Variants in UNC5A observed in about 807,000 individuals in gnomAD.
The protein encoded by UNC5A is netrin receptor UNC5A.
Under a neutral mutation model 87.4 loss-of-function variants are expected in UNC5A, and 20 were observed. The ratio of observed to expected loss-of-function variants is 0.23; its 90% CI spans 0.16 to 0.33. UNC5A has a LOEUF of 0.33. Ranked by LOEUF, UNC5A falls within the 10% of genes least tolerant of loss-of-function variation. The pLI is 1.00. For missense variants in UNC5A, 844 were observed against 1,133.4 expected (o/e 0.74, Z 3.67); for synonymous variants, 438 against 482.3 (o/e 0.91, Z 1.20).
intron 13 of UNC5A, 39 bp from the exon 14 acceptor site, chr5:176,879,271 G>T: frequency 6.5e-7 from 1 of 1,534,558 alleles, no homozygotes. Context: ...CGGGCCTGGG[G>T]AAAGTTCTAA....
intron 1 of UNC5A, among the ~76,000 whole-genome samples, chr5:176,819,335 CAAATA>C (rs1756671657): frequency 1.3e-5 from 2 of 152,124 alleles, no homozygotes; most frequent in Non-Finnish European, 2.9e-5. Context: ...GTATCTGTTG[CAAATA>C]TTAGAACCCA....
At chr5:176,828,520 C>T (rs765273912) in intron 1 of UNC5A, among the ~76,000 whole-genome samples, 1 of 152,248 alleles carries the variant, frequency 6.6e-6, no homozygotes, top group South Asian at 2.1e-4. Flanking sequence ...CTCAGCCCCC[C>T]CATCTTCCCC....
Position 176,879,886 on chromosome 5 carries a change from AGGC to A in UNC5A, c.*1_*3del. The A allele has an allele frequency of 6.4e-7, 1 of 1,574,332 alleles. No homozygotes were observed. The highest frequency in any genetic ancestry group is 1.2e-5 in the South Asian group (1 of 86,066). On this transcript the variant is annotated 3_prime_UTR_variant, in exon 15 of 15. Coordinates refer to ENST00000329542, the MANE Select transcript of UNC5A (RefSeq NM_133369.3). ...TCACAGTGTCGGAGGCTGAGTGCTG[AGGC>A]CGGCCAGGCCCGACACCTACACTCT... is the stretch of plus-strand genomic sequence containing the variant.
At position 176,874,326 on chromosome 5, in the gene UNC5A, A is replaced by G; in HGVS notation, c.1138A>G (p.Ser380Gly). Reference protein sequence around the residue: ...LSTTTTTYQGSLCPRQDGPSP... With the variant: ...LSTTTTTYQGGLCPRQDGPSP... The stretch of plus-strand genomic sequence containing the variant: ...CACCACCACCACCACCTACCAGGGC[A>G]GTCTCTGTCCCCGGCAGGATGGGCC... The change falls in exon 8 of 15, where the codon AGT (serine) becomes GGT (glycine). Residue 380 changes from serine (S) to glycine (G), a missense_variant. This residue lies in a region of UNC5A where 353 missense variants were observed against 387.5 expected (regional missense o/e 0.91). Transcript: ENST00000329542. This position sits in a 1 kb window ranked among gnomAD's most constrained non-coding sequence, Gnocchi z 7.6. 6.2e-7 allele frequency: 1 copy of G among 1,612,554 alleles called. No homozygotes were observed. Among genetic ancestry groups the G allele is most frequent in the South Asian group, 1.1e-5 (1 of 90,836 alleles).
In UNC5A at chr5:176,879,891, G is replaced by C. The variant is rs377412921; in HGVS notation, c.*5G>C. 8 of 1,609,024 alleles carry C rather than the reference G, an allele frequency of 5.0e-6. No individual in the cohort carries two copies. The highest frequency in any genetic ancestry group is 6.8e-6 in the Non-Finnish European group (8 of 1,178,772). ...GTGTCGGAGGCTGAGTGCTGAGGCC[G>C]GCCAGGCCCGACACCTACACTCTCA... On this transcript the variant is annotated 3_prime_UTR_variant, in exon 15 of 15. Coordinates refer to ENST00000329542, the MANE Select transcript of UNC5A (RefSeq NM_133369.3).
chr5:176,821,458 C>CT (rs1756726570), intron 1 of UNC5A, among the ~76,000 whole-genome samples: 1 of 152,196 alleles, frequency 6.6e-6, no homozygotes, highest in African/African-American at 2.4e-5. Context: ...CCACTGGAGG[C>CT]CCGTCTTTGG....
intron 1 of UNC5A, among the ~76,000 whole-genome samples, chr5:176,833,177 G>A (rs917742342): frequency 9.2e-5 from 14 of 152,200 alleles, no homozygotes; most frequent in Non-Finnish European, 1.8e-4. Context: ...TAGGTTCAAG[G>A]TGGTGCGTGT....
intron 1 of UNC5A, among the ~76,000 whole-genome samples, chr5:176,829,677 G>T (rs1756953011): frequency 6.6e-6 from 1 of 152,050 alleles, no homozygotes; most frequent in South Asian, 2.1e-4. Context: ...TCAATGGGAG[G>T]GAAGGTGGAT....
intron 1 of UNC5A, among the ~76,000 whole-genome samples, chr5:176,836,289 G>A (rs1757147254): frequency 6.6e-6 from 1 of 152,198 alleles, no homozygotes; most frequent in East Asian, 1.9e-4. Context: ...GGTGAGTGAG[G>A]GATGCCAGTA....
chr5:176,822,065 T>G (rs1415924630), intron 1 of UNC5A, among the ~76,000 whole-genome samples: 5 of 152,244 alleles, frequency 3.3e-5, no homozygotes, highest in Non-Finnish European at 7.3e-5. Flanking sequence ...GGCAGGTTAT[T>G]TAAGCTCTCT....
rs1451475670 is a variant in UNC5A, at chr5:176,860,472, C to T, written c.71-2152C>T. 2.6e-5 allele frequency among the ~76,000 whole-genome samples: 4 copies of T among 152,326 alleles called. No individual in the cohort carries two copies. The East Asian group carries it at 5.8e-4, about 22-fold the overall frequency. On this transcript the variant is annotated intron_variant, in intron 1 of 14. Coordinates refer to ENST00000329542, the MANE Select transcript of UNC5A (RefSeq NM_133369.3). Reference sequence around the variant, plus strand: ...TGTGGGAGCCCAACTCAGCACTGCTCTCCCTGAGCCCACCCCTGGGTCCCA... The same window carrying T: ...TGTGGGAGCCCAACTCAGCACTGCTTTCCCTGAGCCCACCCCTGGGTCCCA...
chr5:176,817,839 C>T (rs892232200), intron 1 of UNC5A, among the ~76,000 whole-genome samples: 14 of 151,806 alleles, frequency 9.2e-5, no homozygotes, highest in African/African-American at 3.1e-4. Context: ...CGGGGACGTC[C>T]AGGCCGGGGG....
chr5:176,831,599 G>T (rs1429479497), intron 1 of UNC5A, among the ~76,000 whole-genome samples: 2 of 152,180 alleles, frequency 1.3e-5, no homozygotes, highest in African/African-American at 4.8e-5. Flanking sequence ...GCCACCACTC[G>T]GCTCTGCTGT....
At position 176,844,425 on chromosome 5, in the gene UNC5A, G is replaced by A. The variant is rs549137109; in HGVS notation, c.71-18199G>A. Among the ~76,000 whole-genome samples, 1 of 152,298 alleles carries A rather than the reference G, an allele frequency of 6.6e-6. No homozygotes were observed. Among genetic ancestry groups the A allele is most frequent in the East Asian group, 1.9e-4 (1 of 5,172 alleles). On this transcript the variant is annotated intron_variant, in intron 1 of 14. Coordinates refer to ENST00000329542, the MANE Select transcript of UNC5A (RefSeq NM_133369.3). This position sits in a 1 kb window ranked among gnomAD's most constrained non-coding sequence, Gnocchi z 4.2. Reference sequence around the variant, plus strand: ...GCCAGGGAAGGAGAGGCCAGGGGAAGTTTATGTCCACCCACGGTGTCCCAG... The same window carrying A: ...GCCAGGGAAGGAGAGGCCAGGGGAAATTTATGTCCACCCACGGTGTCCCAG...
rs990765076 is a variant in UNC5A, at chr5:176,838,907, A to G, written c.71-23717A>G. Reference sequence around the variant, plus strand: ...ATCAGGGTCCATCCCTGAAGCTGGTAGGGGTCATTTCCACTCAAACCACAT... The same window carrying G: ...ATCAGGGTCCATCCCTGAAGCTGGTGGGGGTCATTTCCACTCAAACCACAT... On this transcript the variant is annotated intron_variant, in intron 1 of 14. Transcript: ENST00000329542. The surrounding 1 kb of genome is among the most constrained non-coding windows in gnomAD (Gnocchi z 4.2). Among the ~76,000 whole-genome samples, 24 of 152,364 alleles carry G rather than the reference A, an allele frequency of 1.6e-4. 1 individual carries two copies. Among genetic ancestry groups the G allele is most frequent in the Middle Eastern group, 6.8e-3 (2 of 294 alleles).
intron 1 of UNC5A, among the ~76,000 whole-genome samples, chr5:176,855,053 T>C (rs1757632851): frequency 1.3e-5 from 2 of 152,194 alleles, no homozygotes; most frequent in Non-Finnish European, 2.9e-5. Flanking sequence ...AAAAAAGGAA[T>C]GTACTGGCTC....
intron 1 of UNC5A, among the ~76,000 whole-genome samples, chr5:176,829,579 T>C (rs1027026896): frequency 7.1e-5 from 10 of 140,056 alleles, no homozygotes; most frequent in Non-Finnish European, 1.5e-4. Context: ...GATGGATGGA[T>C]GGATAAAGTA....
chr5:176,853,216 A>G (rs1757587465), intron 1 of UNC5A, among the ~76,000 whole-genome samples: 1 of 152,196 alleles, frequency 6.6e-6, no homozygotes, highest in Non-Finnish European at 1.5e-5. Flanking sequence ...ATTTGGCTAA[A>G]GTCCTTGGTG....
At position 176,880,646 on chromosome 5, in the gene UNC5A, CG is replaced by C; in HGVS notation, c.*764del. 6.3e-6 allele frequency: 1 copy of C among 159,080 alleles called. No individual in the cohort carries two copies. The allele number at this position is 159,080 out of a possible 1,614,324, so 9.9% of individuals were successfully genotyped here. ...CCCAGCCTTGAGGTGCCCTGCCCGG[CG>C]GGGCCTGTGAATATGCAATGGGAGT... On this transcript the variant is annotated 3_prime_UTR_variant, in exon 15 of 15. Transcript: ENST00000329542.
Sources: allele counts gnomAD v4.1 joint callset (sites outside exome capture counted in the v4.1 genomes callset), GRCh38; gene constraint gnomAD v4.1.1; regional missense constraint gnomAD v4.1.1; non-coding constraint Gnocchi (gnomAD v3.1); transcripts MANE v1.5; gene names NCBI Gene and HGNC (gene_info 2026-07-23, HGNC 2026-07-21).